CMTM6: variants seen among roughly 807,000 people sequenced by gnomAD.
The protein encoded by CMTM6 is CKLF like MARVEL transmembrane domain containing 6, also known as CKLF-like MARVEL transmembrane domain-containing protein 6.
CMTM6 carries 5 observed loss-of-function variants against 13.6 expected under a neutral mutation model. The ratio of observed to expected loss-of-function variants is 0.37; its 90% CI spans 0.19 to 0.77. The LOEUF (loss-of-function observed/expected upper bound fraction) is 0.77, where lower values mean the gene tolerates loss of function less well. CMTM6 is among the 30% of genes least tolerant of loss of function. The pLI, the probability that CMTM6 is intolerant of heterozygous loss-of-function variation, is 0.50. For missense variants in CMTM6, 196 were observed against 218.6 expected (o/e 0.90, Z 0.65); for synonymous variants, 99 against 84.5 (o/e 1.17, Z -0.94).
At chr3:32,495,055 TAAA>T (rs1027885859) in intron 1 of CMTM6, among the ~76,000 whole-genome samples, 37 of 151,860 alleles carry the variant, frequency 2.4e-4, no homozygotes, top group African/African-American at 8.7e-4. Context: ...AATTTCAAAA[TAAA>T]AAGTTAAAAA....
chr3:32,482,041 G>C lies in CMTM6; in HGVS notation c.*1919C>G, dbSNP rs1049795843. 6.6e-6 allele frequency: 1 copy of C among 151,964 alleles called. No individual in the cohort carries two copies. Among genetic ancestry groups the C allele is most frequent in the African/African-American group, 2.4e-5 (1 of 41,248 alleles). 9.4% of individuals were successfully genotyped at this position (151,964 alleles called of 1,614,324 possible). A position where few individuals can be genotyped will look rare whatever the true frequency, so the allele number is the denominator to read the frequency against. On this transcript the variant is annotated 3_prime_UTR_variant, in exon 4 of 4. Coordinates refer to ENST00000205636, the MANE Select transcript of CMTM6 (RefSeq NM_017801.3). ...GATAGGTCTAAATCACAATGGTACA[G>C]TCTGATGTGAAACTTTAGTCTACCT...
At chr3:32,500,988 G>A (rs1477412685) in intron 1 of CMTM6, among the ~76,000 whole-genome samples, 2 of 150,338 alleles carry the variant, frequency 1.3e-5, no homozygotes, top group African/African-American at 4.9e-5. Context: ...CTGAAGTCAG[G>A]AGTTTGAGAC....
Position 32,481,971 on chromosome 3 carries a change from G to A in CMTM6, c.*1989C>T, listed in dbSNP as rs1697157819. On this transcript the variant is annotated 3_prime_UTR_variant, in exon 4 of 4. Coordinates refer to ENST00000205636, the MANE Select transcript of CMTM6 (RefSeq NM_017801.3). ...TCAATCCTGACTAAGCCCAATACAT[G>A]GGTGGTGACCCTGAGGTAGCCCAGA... 1 of 152,200 alleles carries A rather than the reference G, an allele frequency of 6.6e-6. No individual in the cohort carries two copies. The highest frequency in any genetic ancestry group is 1.5e-5 in the Non-Finnish European group (1 of 68,032). The allele number at this position is 152,200 out of a possible 1,614,324, so 9.4% of individuals were successfully genotyped here.
intron 1 of CMTM6, among the ~76,000 whole-genome samples, 157 bp from the exon 2 acceptor site, chr3:32,492,043 A>G (rs1181209348): frequency 6.6e-6 from 1 of 152,230 alleles, no homozygotes; most frequent in Non-Finnish European, 1.5e-5. Context: ...CAGAACTTAC[A>G]GTTTGGCCGC....
In CMTM6 at chr3:32,501,781, A is replaced by G. The variant is rs374541845; in HGVS notation, c.138+827T>C. ...ATTTTTCCTAAACTGGTTCTATTGC[A>G]GAAATAGAACCTAAACTGTTTCTAT... On this transcript the variant is annotated intron_variant, in intron 1 of 3. Coordinates refer to ENST00000205636, the MANE Select transcript of CMTM6 (RefSeq NM_017801.3). Among the ~76,000 whole-genome samples the G allele has an allele frequency of 8.5e-5, 13 of 152,366 alleles. No homozygotes were observed. The East Asian group carries it at 2.5e-3, about 29-fold the overall frequency.
intron 1 of CMTM6, among the ~76,000 whole-genome samples, chr3:32,499,053 GAACTT>G (rs1358793214): frequency 6.6e-6 from 1 of 151,982 alleles, no homozygotes; most frequent in Admixed American, 6.5e-5. Context: ...ATAAATTAAT[GAACTT>G]TACTATTAAA....
At chr3:32,502,064 C>A (rs75798922) in intron 1 of CMTM6, among the ~76,000 whole-genome samples, 2,148 of 152,318 alleles carry the variant, frequency 0.014, 47 homozygotes, top group African/African-American at 0.049. Flanking sequence ...TGAAATAATT[C>A]TTTTCCAGTC....
intron 1 of CMTM6, among the ~76,000 whole-genome samples, chr3:32,494,483 A>G (rs767026488): frequency 6.6e-6 from 1 of 152,236 alleles, no homozygotes; most frequent in Non-Finnish European, 1.5e-5. Context: ...AACTAAGCAT[A>G]TATCTACCAT....
At chr3:32,500,199 T>C (rs540863417) in intron 1 of CMTM6, among the ~76,000 whole-genome samples, 2 of 152,232 alleles carry the variant, frequency 1.3e-5, no homozygotes, top group Non-Finnish European at 2.9e-5. Flanking sequence ...GTTTCCTTAC[T>C]GGAGCTCGCA....
intron 2 of CMTM6, among the ~76,000 whole-genome samples, chr3:32,489,197 G>A (rs538214520): frequency 4.0e-4 from 59 of 148,132 alleles, no homozygotes; most frequent in Non-Finnish European, 7.3e-4. Flanking sequence ...TTGAACCCAG[G>A]AGGCAGAGGT....
chr3:32,489,139 GGGTGCCT>G (rs1381932135), intron 2 of CMTM6, among the ~76,000 whole-genome samples: 3 of 151,538 alleles, frequency 2.0e-5, no homozygotes, highest in African/African-American at 7.3e-5. Flanking sequence ...GCGTGGTGGT[GGGTGCCT>G]GTAGTCCCAG....
At chr3:32,488,156 A>AACTT in intron 2 of CMTM6, 120 bp from the exon 3 acceptor site, 1 of 659,760 alleles carries the variant, frequency 1.5e-6, no homozygotes, top group Non-Finnish European at 2.6e-6. Flanking sequence ...ATACAACCCA[A>AACTT]ACTTACATAC....
intron 2 of CMTM6, chr3:32,488,364 A>AAT: frequency 2.0e-5 from 3 of 151,566 alleles, no homozygotes; most frequent in East Asian, 3.7e-4. Flanking sequence ...AGTCCAAAAA[A>AAT]AGAAAAAAAA....
chr3:32,482,190 A>G lies in CMTM6; in HGVS notation c.*1770T>C, dbSNP rs959185194. On this transcript the variant is annotated 3_prime_UTR_variant, in exon 4 of 4. Transcript: ENST00000205636. The stretch of plus-strand genomic sequence containing the variant: ...CCATGATTGGTTTCATTATCTCCCA[A>G]TTAAGTAGTGGTGACACCACCACTA... 18 of 152,214 alleles carry G rather than the reference A, an allele frequency of 1.2e-4. No individual in the cohort carries two copies. Among genetic ancestry groups the G allele is most frequent in the African/African-American group, 3.9e-4 (16 of 41,450 alleles). The allele number at this position is 152,214 out of a possible 1,614,324, so 9.4% of individuals were successfully genotyped here.
At chr3:32,498,874 G>A (rs977247025) in intron 1 of CMTM6, among the ~76,000 whole-genome samples, 42 of 151,718 alleles carry the variant, frequency 2.8e-4, no homozygotes, top group Non-Finnish European at 1.8e-4. Flanking sequence ...CACCGCACCC[G>A]GCCTCAGTTT....
chr3:32,490,766 T>C lies in CMTM6; in HGVS notation c.315+944A>G, dbSNP rs73826566. Among the ~76,000 whole-genome samples, 718 of 152,318 alleles carry C rather than the reference T, an allele frequency of 4.7e-3. 6 individuals carry two copies. Among genetic ancestry groups the C allele is most frequent in the African/African-American group, 0.017 (690 of 41,588 alleles). On this transcript the variant is annotated intron_variant, in intron 2 of 3. Transcript: ENST00000205636. ...CTAAACATTTCTAAAAATATTTTTA[T>C]GGTGATATTGTTTCACTGTTAAGAA...
chr3:32,498,458 T>C (rs1697315024), intron 1 of CMTM6, among the ~76,000 whole-genome samples: 1 of 152,224 alleles, frequency 6.6e-6, no homozygotes, highest in Non-Finnish European at 1.5e-5. Flanking sequence ...TATTAAATCA[T>C]ACATTAAAAA....
In CMTM6 at chr3:32,483,918, T is replaced by C. The variant is rs1486226693; in HGVS notation, c.*42A>G. On this transcript the variant is annotated 3_prime_UTR_variant, in exon 4 of 4. Transcript: ENST00000205636. Reference sequence around the variant, plus strand: ...TTCTGCCAGGGCTCAGGCACCACAATGCAGGGTCACTACCTTAGGTAACAT... The same window carrying C: ...TTCTGCCAGGGCTCAGGCACCACAACGCAGGGTCACTACCTTAGGTAACAT... 6.6e-7 allele frequency: 1 copy of C among 1,520,012 alleles called. No homozygotes were observed. The highest frequency in any genetic ancestry group is 8.8e-7 in the Non-Finnish European group (1 of 1,137,936). The allele number at this position is 1,520,012 out of a possible 1,614,324, so 94.2% of individuals were successfully genotyped here.
At chr3:32,502,523 G>A in intron 1 of CMTM6, 85 bp downstream of exon 1, 1 of 1,505,514 alleles carries the variant, frequency 6.6e-7, no homozygotes, top group Non-Finnish European at 8.9e-7. Context: ...CAACCAAGCT[G>A]AAACGAAGGA....
Sources: gnomAD v4.1 joint callset for allele counts (sites outside exome capture counted in the v4.1 genomes callset) on GRCh38, gnomAD v4.1.1 for gene constraint, MANE v1.5 for transcripts, NCBI Gene and HGNC (gene_info 2026-07-23, HGNC 2026-07-21) for gene names.